HYDIN: variants seen among roughly 807,000 people sequenced by gnomAD.
HYDIN encodes the protein axonemal central pair apparatus protein HYDIN.
Under a neutral mutation model 403.9 loss-of-function variants are expected in HYDIN, and 132 were observed. That is an observed-to-expected ratio of 0.33 (90% CI 0.28 to 0.38). The LOEUF is 0.38. Among genes scored for constraint, HYDIN ranks in the 10% least tolerant of loss-of-function variants. The pLI is 1.00. For missense variants in HYDIN, 2,827 were observed against 5,009.5 expected (o/e 0.56, Z 13.15); for synonymous variants, 1,202 against 1,891.7 (o/e 0.64, Z 9.46).
chr16:70,867,707 A>G (rs928990580), intron 66 of HYDIN, among the ~76,000 whole-genome samples: 14 of 148,704 alleles, frequency 9.4e-5, no homozygotes, highest in African/African-American at 3.5e-4. Flanking sequence ...AGAGTCTCAC[A>G]CTGTGTATTC....
At position 70,808,213 on chromosome 16, in the gene HYDIN, C is replaced by T. The variant is rs559243487; in HGVS notation, c.14884-151G>A. 6 of 848,836 alleles carry T rather than the reference C, an allele frequency of 7.1e-6. No homozygotes were observed. The African/African-American group carries it at 8.5e-5, about 12-fold the overall frequency. The allele number at this position is 848,836 out of a possible 1,614,324, so 52.6% of individuals were successfully genotyped here. The stretch of plus-strand genomic sequence containing the variant: ...TATAAAGTTGTGTCCTTATAACTCC[C>T]TTGTAGGGTAGGTATTACTAATTAT... On this transcript the variant is annotated intron_variant, in intron 85 of 85. Transcript: ENST00000393567.
At chr16:71,092,779 C>T (rs987864358) in intron 11 of HYDIN, among the ~76,000 whole-genome samples, 2 of 137,562 alleles carry the variant, frequency 1.5e-5, no homozygotes, top group African/African-American at 6.0e-5. Context: ...TTGAATTTCA[C>T]CATATTGGCC....
chr16:71,116,558 G>C (rs2084043384), intron 9 of HYDIN, among the ~76,000 whole-genome samples: 1 of 151,984 alleles, frequency 6.6e-6, no homozygotes, highest in African/African-American at 2.4e-5. Context: ...ATGAGGGATT[G>C]TGGGATCACA....
chr16:71,177,100 T>C (rs1480385270), intron 4 of HYDIN, among the ~76,000 whole-genome samples: 1 of 152,208 alleles, frequency 6.6e-6, no homozygotes, highest in Non-Finnish European at 1.5e-5. Context: ...TGGGACCCTC[T>C]TTCCATGTGG....
intron 1 of HYDIN, among the ~76,000 whole-genome samples, chr16:71,196,216 C>T (rs887786568): frequency 5.3e-5 from 8 of 152,146 alleles, no homozygotes; most frequent in Non-Finnish European, 1.2e-4. Context: ...ACACGAGATG[C>T]CCAGATATCC....
At chr16:70,828,824 A>T (rs2036769850) in intron 81 of HYDIN, among the ~76,000 whole-genome samples, 1 of 151,786 alleles carries the variant, frequency 6.6e-6, no homozygotes, top group South Asian at 2.1e-4. Flanking sequence ...TAAATAGAAA[A>T]ATGCTACTGC....
At chr16:71,131,822 G>A (rs1438133920) in intron 8 of HYDIN, 2 of 149,674 alleles carry the variant, frequency 1.3e-5, no homozygotes, top group African/African-American at 4.9e-5. Context: ...TTGGAGGTTT[G>A]AATCCCCTGG....
chr16:71,114,088 T>C (rs528746503), intron 10 of HYDIN: 5 of 151,436 alleles, frequency 3.3e-5, no homozygotes, highest in African/African-American at 1.2e-4. Flanking sequence ...ATTACTGGGA[T>C]AAACCAAGAT....
At chr16:70,849,480 C>T (rs1288905491) in intron 75 of HYDIN, among the ~76,000 whole-genome samples, 2 of 152,064 alleles carry the variant, frequency 1.3e-5, no homozygotes, top group Non-Finnish European at 2.9e-5. Context: ...CCCCATCTAT[C>T]ACTTTTATTT....
At chr16:70,892,898 C>G (rs1014571655) in intron 55 of HYDIN, among the ~76,000 whole-genome samples, 2 of 152,186 alleles carry the variant, frequency 1.3e-5, no homozygotes, top group Non-Finnish European at 2.9e-5. Context: ...ACACAGAAAC[C>G]AGAGAACCTG....
chr16:71,163,022 A>C (rs1265458292), intron 5 of HYDIN, among the ~76,000 whole-genome samples: 1 of 151,604 alleles, frequency 6.6e-6, no homozygotes, highest in East Asian at 1.9e-4. Flanking sequence ...GGCCAGGCCC[A>C]TTTCTCCTGT....
intron 25 of HYDIN, among the ~76,000 whole-genome samples, chr16:70,989,635 TTAAAG>T (rs1489952949): frequency 6.6e-6 from 1 of 152,178 alleles, no homozygotes; most frequent in Non-Finnish European, 1.5e-5. Context: ...CAAACATCAC[TTAAAG>T]TATTTTAGAA....
At position 71,087,078 on chromosome 16, in the gene HYDIN, C is replaced by T. The variant is rs1202016218; in HGVS notation, c.1670+1223G>A. On this transcript the variant is annotated intron_variant, in intron 12 of 85. Coordinates refer to ENST00000393567, the MANE Select transcript of HYDIN (RefSeq NM_001270974.2). ...AACACACATGTATTATGGAAGAGAA[C>T]GTAAATGTCTTGTGAATGTTTCAGA... Among the ~76,000 whole-genome samples, 3 of 151,508 alleles carry T rather than the reference C, an allele frequency of 2.0e-5. No individual in the cohort carries two copies. In the East Asian group the frequency reaches 5.8e-4, roughly 29 times the overall value.
intron 75 of HYDIN, among the ~76,000 whole-genome samples, chr16:70,840,948 A>T (rs887543757): frequency 3.9e-5 from 6 of 152,184 alleles, no homozygotes; most frequent in Admixed American, 6.5e-5. Flanking sequence ...CATAATGTGA[A>T]TTTTCACAAA....
chr16:71,198,558 C>A (rs149187834), intron 1 of HYDIN, among the ~76,000 whole-genome samples: 1 of 152,102 alleles, frequency 6.6e-6, no homozygotes, highest in Non-Finnish European at 1.5e-5. Flanking sequence ...GTTCTACTAG[C>A]CCCCCGCCAG....
chr16:71,192,901 C>A (rs768469202), intron 1 of HYDIN, among the ~76,000 whole-genome samples: 3 of 152,154 alleles, frequency 2.0e-5, no homozygotes, highest in Non-Finnish European at 2.9e-5. Context: ...TCCAAATATG[C>A]CAGCCTATTT....
At chr16:71,051,848 T>C (rs962448021) in intron 18 of HYDIN, among the ~76,000 whole-genome samples, 2 of 152,122 alleles carry the variant, frequency 1.3e-5, no homozygotes, top group African/African-American at 4.8e-5. Context: ...ACAGAATTAA[T>C]GAAGAGATGT....
Position 71,069,477 on chromosome 16 carries a change from G to A in HYDIN, c.1764C>T (p.Ser588=), listed in dbSNP as rs762059554. The A allele has an allele frequency of 1.2e-6, 2 of 1,613,486 alleles. No homozygotes were observed. The highest frequency in any genetic ancestry group is 1.7e-5 in the Admixed American group (1 of 59,948). ...TGGGGATCAAAGAGGTATTATTGAG[G>A]GAACATATCAAGGTATGAGGAAACC... ...SFGFPHTLIC[S]LNNTSLIPMT... The change falls in exon 14 of 86, where the codon TCC becomes TCT. Residue 588 remains serine, a synonymous_variant. Transcript: ENST00000393567.
At chr16:71,183,598 T>C (rs1426141830) in intron 3 of HYDIN, among the ~76,000 whole-genome samples, 1 of 152,054 alleles carries the variant, frequency 6.6e-6, no homozygotes, top group Non-Finnish European at 1.5e-5. Flanking sequence ...CAGAAGGTCA[T>C]AGGGAAAATG....
Sources: gnomAD v4.1 joint callset for allele counts (sites outside exome capture counted in the v4.1 genomes callset) on GRCh38, gnomAD v4.1.1 for gene constraint, MANE v1.5 for transcripts, NCBI Gene and HGNC (gene_info 2026-07-23, HGNC 2026-07-21) for gene names.